DLGAP1: variants seen among roughly 807,000 people sequenced by gnomAD.
DLGAP1 encodes DLG associated protein 1.
A neutral mutation model predicts 90.8 loss-of-function variants in DLGAP1; 11 were observed. The observed-to-expected ratio is 0.12, with a 90% CI of 0.08 to 0.20. DLGAP1 has a LOEUF of 0.20. Ranked by LOEUF, DLGAP1 falls within the 10% of genes least tolerant of loss-of-function variation. The probability of loss-of-function intolerance (pLI) is 1.00; values close to 1 mark genes in which losing one functional copy is unlikely to be tolerated. For synonymous variants in DLGAP1, 558 were observed against 540.7 expected (o/e 1.03, Z -0.44); for missense variants, 1,050 against 1,333.8 (o/e 0.79, Z 3.31).
At chr18:3,732,301 G>A (rs1413528179) in intron 6 of DLGAP1, among the ~76,000 whole-genome samples, 1 of 152,210 alleles carries the variant, frequency 6.6e-6, no homozygotes, top group African/African-American at 2.4e-5. Flanking sequence ...GGCACATTAT[G>A]TCTAGTTTGT....
intron 4 of DLGAP1, among the ~76,000 whole-genome samples, chr18:3,830,340 C>T (rs186859965): frequency 7.2e-5 from 11 of 152,152 alleles, no homozygotes; most frequent in South Asian, 4.2e-4. Flanking sequence ...CTGAGGTGGG[C>T]GGATCACGAT....
chr18:3,656,763 C>A (rs189990599), intron 7 of DLGAP1, among the ~76,000 whole-genome samples: 7 of 151,434 alleles, frequency 4.6e-5, no homozygotes, highest in African/African-American at 1.7e-4. Flanking sequence ...GACAGAGTCT[C>A]GCTCTGTCAC....
At chr18:4,109,916 C>G (rs995551672) in intron 2 of DLGAP1, among the ~76,000 whole-genome samples, 2 of 151,702 alleles carry the variant, frequency 1.3e-5, no homozygotes, top group African/African-American at 4.8e-5. Flanking sequence ...GGGGACAGGA[C>G]TCAAGTCTTG....
chr18:3,782,026 CT>C (rs2065219881), intron 5 of DLGAP1, among the ~76,000 whole-genome samples: 1 of 6,420 alleles, frequency 1.6e-4, no homozygotes, highest in African/African-American at 2.6e-4. Context: ...CTATTCCAAG[CT>C]TGGAACAGTA....
At chr18:4,083,868 C>T (rs540045838) in intron 2 of DLGAP1, among the ~76,000 whole-genome samples, 12 of 152,134 alleles carry the variant, frequency 7.9e-5, no homozygotes, top group Non-Finnish European at 1.5e-4. Context: ...GCTTGGCCGT[C>T]AGCAGGTGGC....
rs11299687 is a variant in DLGAP1 at position 4,285,033 on chromosome 18, A to AT, written c.-266-133747dup. Among the ~76,000 whole-genome samples the AT allele has an allele frequency of 5.7e-3, 869 of 151,734 alleles. 8 individuals are homozygous for AT. The highest frequency in any genetic ancestry group is 0.019 in the African/African-American group (784 of 41,306). On this transcript the variant is annotated intron_variant, in intron 1 of 12. Coordinates refer to ENST00000315677, the MANE Select transcript of DLGAP1 (RefSeq NM_004746.4). ...GATGTTATTTACTTTTTGTAAAACT[A>AT]TTTTTTTTTACAAAAATAATGATAA... is the stretch of plus-strand genomic sequence containing the variant.
chr18:4,115,173 C>T (rs1046906180), intron 2 of DLGAP1, among the ~76,000 whole-genome samples: 4 of 151,946 alleles, frequency 2.6e-5, no homozygotes, highest in Non-Finnish European at 5.9e-5. Context: ...TTATCAAAAT[C>T]GACTTCAGAT....
At chr18:3,670,036 T>C (rs1418178693) in intron 7 of DLGAP1, among the ~76,000 whole-genome samples, 1 of 152,164 alleles carries the variant, frequency 6.6e-6, no homozygotes, top group Non-Finnish European at 1.5e-5. Flanking sequence ...GGGTGTGCGA[T>C]GGGAACAAGG....
chr18:3,860,057 C>T (rs975653600), intron 4 of DLGAP1, among the ~76,000 whole-genome samples: 7 of 143,532 alleles, frequency 4.9e-5, no homozygotes, highest in African/African-American at 1.8e-4. Context: ...CGAGATTGCG[C>T]CACTGCACTC....
Position 3,741,043 on chromosome 18 carries a change from TCACCACCACCACCATCACCAC to T in DLGAP1, c.1350+1271_1350+1291del, listed in dbSNP as rs1568047856. Among the ~76,000 whole-genome samples, 37 of 20,216 alleles carry T rather than the reference TCACCACCACCACCATCACCAC, an allele frequency of 1.8e-3. 2 individuals carry two copies. Among genetic ancestry groups the T allele is most frequent in the Non-Finnish European group, 2.7e-3 (29 of 10,762 alleles). The allele number at this position is 20,216 out of a possible 152,430, so 13.3% of individuals were successfully genotyped here. ...CACCACCACCACCACCACCATCACC[TCACCACCACCACCATCACCAC>T]CACCACCACCACCACCATCACCATC... On this transcript the variant is annotated intron_variant, in intron 6 of 12. Transcript: ENST00000315677.
At chr18:4,059,565 G>C (rs985909174) in intron 2 of DLGAP1, among the ~76,000 whole-genome samples, 3 of 152,102 alleles carry the variant, frequency 2.0e-5, no homozygotes, top group Non-Finnish European at 2.9e-5. Flanking sequence ...TACAAAATTA[G>C]CTGGGTGTGG....
chr18:3,577,849 C>G (rs2055249035), intron 8 of DLGAP1, among the ~76,000 whole-genome samples: 1 of 151,946 alleles, frequency 6.6e-6, no homozygotes, highest in Admixed American at 6.6e-5. Flanking sequence ...AAGTGGCTTT[C>G]AAAATTGTAA....
At chr18:4,041,764 C>T (rs2074978517) in intron 2 of DLGAP1, among the ~76,000 whole-genome samples, 1 of 152,152 alleles carries the variant, frequency 6.6e-6, no homozygotes, top group Non-Finnish European at 1.5e-5. Context: ...ACATCTGTTT[C>T]CTACAAAAGA....
chr18:3,906,483 G>C (rs1568292819), intron 3 of DLGAP1, among the ~76,000 whole-genome samples: 1 of 152,228 alleles, frequency 6.6e-6, no homozygotes, highest in East Asian at 1.9e-4. Context: ...TGAAGTACAG[G>C]AACTCTCACA....
intron 5 of DLGAP1, among the ~76,000 whole-genome samples, chr18:3,799,491 C>T (rs1164634476): frequency 7.7e-6 from 1 of 130,186 alleles, no homozygotes; most frequent in East Asian, 2.2e-4. Flanking sequence ...ACTTAAAAAA[C>T]GTAGTGCCTT....
intron 1 of DLGAP1, among the ~76,000 whole-genome samples, chr18:4,285,921 G>A (rs1268216196): frequency 6.6e-6 from 1 of 152,130 alleles, no homozygotes; most frequent in African/African-American, 2.4e-5. Flanking sequence ...TTTTTCTCAG[G>A]CCATATTTAG....
In DLGAP1 at chr18:3,680,483, T is replaced by G. The variant is rs117008334; in HGVS notation, c.1591+48652A>C. 2.4e-3 allele frequency among the ~76,000 whole-genome samples: 363 copies of G among 152,320 alleles called. 9 individuals carry two copies. In the East Asian group the frequency reaches 0.052, roughly 22 times the overall value. On this transcript the variant is annotated intron_variant, in intron 7 of 12. Coordinates refer to ENST00000315677, the MANE Select transcript of DLGAP1 (RefSeq NM_004746.4). ...ACATGTTCTGTTCTTTAACCCTCAA[T>G]GCTTAGCCATTGAAAATTTGGAGGC... is the stretch of plus-strand genomic sequence containing the variant.
At chr18:3,832,506 G>A (rs928203037) in intron 4 of DLGAP1, among the ~76,000 whole-genome samples, 4 of 151,910 alleles carry the variant, frequency 2.6e-5, no homozygotes, top group Non-Finnish European at 2.9e-5. Flanking sequence ...GTAATTATTC[G>A]TTTAGACTAA....
At chr18:3,894,624 G>A (rs1405790312) in intron 3 of DLGAP1, 3 of 152,140 alleles carry the variant, frequency 2.0e-5, no homozygotes, top group Non-Finnish European at 4.4e-5. Flanking sequence ...TATGATGCCT[G>A]TAGCTTTGTT....
Sources: gnomAD v4.1 joint callset for allele counts (sites outside exome capture counted in the v4.1 genomes callset) on GRCh38, gnomAD v4.1.1 for gene constraint, MANE v1.5 for transcripts, NCBI Gene and HGNC (gene_info 2026-07-23, HGNC 2026-07-21) for gene names.